The following SALL4 variants were observed in gnomAD, a reference collection of about 807,000 sequenced individuals.
SALL4 encodes sal-like protein 4.
Under a neutral mutation model 60.8 loss-of-function variants are expected in SALL4, and 4 were observed. The ratio of observed to expected loss-of-function variants is 0.07; its 90% confidence interval spans 0.03 to 0.15. SALL4 has a LOEUF of 0.15. Ranked by LOEUF, SALL4 falls within the 10% of genes least tolerant of loss-of-function variation. SALL4 has a pLI of 1.00. For synonymous variants in SALL4, 580 were observed against 574.9 expected (o/e 1.01, Z -0.13); for missense variants, 1,178 against 1,394.7 (o/e 0.84, Z 2.48).
At chr20:51,795,794 C>T (rs1002161146) in intron 1 of SALL4, among the ~76,000 whole-genome samples, 35 of 152,140 alleles carry the variant, frequency 2.3e-4, no homozygotes, top group African/African-American at 8.2e-4. Flanking sequence ...CAGCATTTCT[C>T]ATGTTAACAA....
chr20:51,796,756 C>CAAGAGCGGAG (rs1392115336), intron 1 of SALL4, among the ~76,000 whole-genome samples: 1 of 152,098 alleles, frequency 6.6e-6, no homozygotes, highest in South Asian at 2.1e-4. Context: ...ATCGTTTCTT[C>CAAGAGCGGAG]TAGAGCGGAG....
At position 51,791,180 on chromosome 20, in the gene SALL4, C is replaced by T. The variant is rs373070046; in HGVS notation, c.1303G>A (p.Val435Met). 3 of 1,614,112 alleles carry T rather than the reference C, an allele frequency of 1.9e-6. No individual in the cohort carries two copies. The highest frequency in any genetic ancestry group is 2.5e-6 in the Non-Finnish European group (3 of 1,180,032). The change falls in exon 2 of 4, where the codon GTG (valine) becomes ATG (methionine). Residue 435 changes from valine (V) to methionine (M), a missense_variant. By Grantham distance (21) the Val-to-Met change is conservative (BLOSUM62 1). This residue lies in a region of SALL4 where 853 missense variants were observed against 1,036.8 expected (regional missense o/e 0.82). Coordinates refer to ENST00000217086, the MANE Select transcript of SALL4 (RefSeq NM_020436.5). This position sits in a 1 kb window ranked among gnomAD's most constrained non-coding sequence, Gnocchi z 4.6. ...GCAAACAGCTGGGGGTTTGCCTTCA[C>T]CTGGGGATGTCGGTGAAAGTGCACC... ...LKVHFHRHPQ[V>M]KANPQLFAEF...
At chr20:51,789,192 CTT>C (rs1568862571) in intron 2 of SALL4, 51 bp from the exon 3 acceptor site, 3 of 1,601,934 alleles carry the variant, frequency 1.9e-6, no homozygotes, top group East Asian at 4.5e-5. Context: ...AACCTTCATT[CTT>C]TCTCTTCAAA....
intron 1 of SALL4, chr20:51,792,776 C>T (rs919489397): frequency 2.8e-6 from 3 of 1,081,434 alleles, no homozygotes; most frequent in African/African-American, 3.4e-5. Flanking sequence ...TTAGTGCCAG[C>T]CTACACATTG....
chr20:51,783,415 T>G lies in SALL4; in HGVS notation c.*850A>C, dbSNP rs1382474625. 1 of 150,256 alleles carries G rather than the reference T, an allele frequency of 6.7e-6. No individual in the cohort carries two copies. The highest frequency in any genetic ancestry group is 1.5e-5 in the Non-Finnish European group (1 of 67,938). 9.3% of individuals were successfully genotyped at this position (150,256 alleles called of 1,614,324 possible). On this transcript the variant is annotated 3_prime_UTR_variant, in exon 4 of 4. Transcript: ENST00000217086. ...AACCCTAGTTTTTTGTTGTTCCTTT[T>G]TTAAGTACATTCAAAAAAAAACAAT... is the stretch of plus-strand genomic sequence containing the variant.
chr20:51,790,427 C>A lies in SALL4; in HGVS notation c.2056G>T (p.Asp686Tyr). 1.9e-6 allele frequency: 3 copies of A among 1,613,504 alleles called. No individual in the cohort carries two copies. Among genetic ancestry groups the A allele is most frequent in the Non-Finnish European group, 2.5e-6 (3 of 1,180,040 alleles). Residue 686 changes from aspartate (D) to tyrosine (Y), a missense_variant, in exon 2 of 4, where the codon GAT becomes TAT. Transcript: ENST00000217086. This position sits in a 1 kb window ranked among gnomAD's most constrained non-coding sequence, Gnocchi z 5.5. ...TCTACATCGATGCTTTCGATGACAT[C>A]ATCATGGCAGATAGCGCCGGTGCTG... ...NGSTGAICHDDVIESIDVEEV... is the reference protein window; with the variant it reads ...NGSTGAICHDYVIESIDVEEV...
rs200440024 is a variant in SALL4 at position 51,802,285 on chromosome 20, C to T, written c.124G>A (p.Glu42Lys). 1.2e-6 allele frequency: 2 copies of T among 1,603,976 alleles called. No homozygotes were observed. The highest frequency in any genetic ancestry group is 2.2e-5 in the East Asian group (1 of 44,642). ...GCGCCCCAGCCCCACTCACCCAGCTCCCCCGCCGCGGGCGCCGCTGGGGCC... is the reference window on the plus strand; with the variant it reads ...GCGCCCCAGCCCCACTCACCCAGCTTCCCCGCCGCGGGCGCCGCTGGGGCC... The part of the protein sequence containing the change: ...DAAPAAPAAG[E>K]LGAPVNHPGN... The change falls in exon 1 of 4, where the codon GAG becomes AAG. Residue 42 changes from glutamate to lysine, a missense_variant. Physicochemically the swap from Glu to Lys is moderately conservative, Grantham distance 56 (BLOSUM62 1). This residue lies in a region of SALL4 where 108 missense variants were observed against 95.7 expected (regional missense o/e 1.13). Transcript: ENST00000217086.
In SALL4 at chr20:51,791,380, G is replaced by A. The variant is rs770743300; in HGVS notation, c.1103C>T (p.Ala368Val). ...CTCGTCTTTGGGTTTGACATCCACCGCGGAGATGTTCGGTGGCTTCCCCTT... is the reference window on the plus strand; with the variant it reads ...CTCGTCTTTGGGTTTGACATCCACCACGGAGATGTTCGGTGGCTTCCCCTT... ...KGKGKPPNIS[A>V]VDVKPKDEAA... The change falls in exon 2 of 4, where the codon GCG becomes GTG. Residue 368 changes from alanine (A) to valine (V), a missense_variant. Around this residue, in one of 5 missense-constraint regions of SALL4, gnomAD observed 853 missense variants for 1,036.8 expected, o/e 0.82. Coordinates refer to ENST00000217086, the MANE Select transcript of SALL4 (RefSeq NM_020436.5). This position sits in a 1 kb window ranked among gnomAD's most constrained non-coding sequence, Gnocchi z 4.6. 95 of 1,614,086 alleles carry A rather than the reference G, an allele frequency of 5.9e-5. No homozygotes were observed. The South Asian group carries it at 9.9e-4, about 17-fold the overall frequency.
chr20:51,786,502 G>C (rs536424767), intron 3 of SALL4, among the ~76,000 whole-genome samples: 2 of 152,272 alleles, frequency 1.3e-5, no homozygotes, highest in African/African-American at 4.8e-5. Flanking sequence ...AAAGTGCTGG[G>C]ATTACAGGCA....
At position 51,791,695 on chromosome 20, in the gene SALL4, T is replaced by G. The variant is rs2078044039; in HGVS notation, c.788A>C (p.His263Pro). 1 of 1,614,090 alleles carries G rather than the reference T, an allele frequency of 6.2e-7. No homozygotes were observed. The highest frequency in any genetic ancestry group is 1.3e-5 in the African/African-American group (1 of 74,958). The stretch of plus-strand genomic sequence containing the variant: ...AGCTGCAGAAACCTGCTGAGACATG[T>G]GGCTGCCCAAGGTCTTCAGAGTGTC... ...GADTLKTLGSHMSQQVSAAVA... is the reference protein window; with the variant it reads ...GADTLKTLGSPMSQQVSAAVA... Residue 263 changes from histidine (H) to proline (P), a missense_variant, in exon 2 of 4, where the codon CAC becomes CCC. Around this residue, in one of 5 missense-constraint regions of SALL4, gnomAD observed 853 missense variants for 1,036.8 expected, o/e 0.82. Transcript: ENST00000217086. This position sits in a 1 kb window ranked among gnomAD's most constrained non-coding sequence, Gnocchi z 4.6.
In SALL4 at chr20:51,801,924, G is replaced by A. The variant is rs1368988854; in HGVS notation, c.130+355C>T. ...GGAGGGGGACCTAAGTTACAAGGGG[G>A]GGGGGTAACACCAGTGAGGGGAGTG... is the stretch of plus-strand genomic sequence containing the variant. On this transcript the variant is annotated intron_variant, in intron 1 of 3. Coordinates refer to ENST00000217086, the MANE Select transcript of SALL4 (RefSeq NM_020436.5). The surrounding 1 kb of genome is among the most constrained non-coding windows in gnomAD (Gnocchi z 5.2). 1.3e-5 allele frequency among the ~76,000 whole-genome samples: 2 copies of A among 151,732 alleles called. No individual in the cohort carries two copies. Among genetic ancestry groups the A allele is most frequent in the Non-Finnish European group, 2.9e-5 (2 of 67,904 alleles).
chr20:51,783,252 A>G lies in SALL4; in HGVS notation c.*1013T>C, dbSNP rs2077966305. 6.6e-6 allele frequency: 1 copy of G among 152,106 alleles called. No homozygotes were observed. Among genetic ancestry groups the G allele is most frequent in the Non-Finnish European group, 1.5e-5 (1 of 68,024 alleles). The allele number at this position is 152,106 out of a possible 1,614,324, so 9.4% of individuals were successfully genotyped here. A position where few individuals can be genotyped will look rare whatever the true frequency, so the allele number is the denominator to read the frequency against. On this transcript the variant is annotated 3_prime_UTR_variant, in exon 4 of 4. Transcript: ENST00000217086. ...GGCATCCAAGAGGTGTGGGGAAAAC[A>G]TTGGCACTCTCGGGGCTCCAACTGA...
rs114376805 is a variant in SALL4, at chr20:51,799,872, A to C, written c.130+2407T>G. 1.3e-3 allele frequency among the ~76,000 whole-genome samples: 192 copies of C among 152,232 alleles called. 2 individuals carry two copies. The highest frequency in any genetic ancestry group is 4.1e-3 in the African/African-American group (170 of 41,548). On this transcript the variant is annotated intron_variant, in intron 1 of 3. Coordinates refer to ENST00000217086, the MANE Select transcript of SALL4 (RefSeq NM_020436.5). ...CAGACGTCATTTTCCTCCCTCAAAA[A>C]CTGCATTCTCGAATGGCTTTGCAAA...
intron 1 of SALL4, among the ~76,000 whole-genome samples, chr20:51,797,003 A>G (rs1319037473): frequency 6.6e-6 from 1 of 152,112 alleles, no homozygotes; most frequent in Non-Finnish European, 1.5e-5. Flanking sequence ...ATTTTTAAAC[A>G]GGGGGTCTAT....
At chr20:51,797,945 T>C (rs1568869093) in intron 1 of SALL4, among the ~76,000 whole-genome samples, 1 of 152,186 alleles carries the variant, frequency 6.6e-6, no homozygotes, top group Non-Finnish European at 1.5e-5. Context: ...GACTCAAGCT[T>C]ATCTTTTTTT....
chr20:51,790,093 C>G lies in SALL4; in HGVS notation c.2390G>C (p.Ser797Thr). 6.2e-7 allele frequency: 1 copy of G among 1,614,174 alleles called. No individual in the cohort carries two copies. The highest frequency in any genetic ancestry group is 8.5e-7 in the Non-Finnish European group (1 of 1,180,046). ...ALSPANSQAESIKSKSPDAGS... is the reference protein window; with the variant it reads ...ALSPANSQAETIKSKSPDAGS... ...AGCATCGGGAGACTTTGACTTGATG[C>G]TTTCGGCTTGACTATTGGCCGGGGA... Residue 797 changes from serine to threonine, a missense_variant, in exon 2 of 4, where the codon AGC becomes ACC. Ser to Thr is a moderately conservative substitution (Grantham distance 58, BLOSUM62 1). Coordinates refer to ENST00000217086, the MANE Select transcript of SALL4 (RefSeq NM_020436.5). This position sits in a 1 kb window ranked among gnomAD's most constrained non-coding sequence, Gnocchi z 5.5.
At chr20:51,786,126 G>A (rs6096582) in intron 3 of SALL4, among the ~76,000 whole-genome samples, 4,247 of 139,812 alleles carry the variant, frequency 0.03, 206 homozygotes, top group African/African-American at 0.11. Context: ...TCGCTCTGTC[G>A]CCCAGGCTGG....
chr20:51,789,334 G>T (rs990223104), intron 2 of SALL4, among the ~76,000 whole-genome samples, 193 bp from the exon 3 acceptor site: 2 of 151,394 alleles, frequency 1.3e-5, no homozygotes, highest in East Asian at 1.9e-4. Context: ...CTTGGGAAAA[G>T]GTATCACTTT....
Position 51,784,237 on chromosome 20 carries a change from G to A in SALL4, c.*28C>T. On this transcript the variant is annotated 3_prime_UTR_variant, in exon 4 of 4. Transcript: ENST00000217086. The stretch of plus-strand genomic sequence containing the variant: ...AGATTCTAGAGATTTCACTGTGTCT[G>A]CATTGCTCCTTCCACGCAAGTTCTC... 1 of 1,611,106 alleles carries A rather than the reference G, an allele frequency of 6.2e-7. No homozygotes were observed. Among genetic ancestry groups the A allele is most frequent in the Non-Finnish European group, 8.5e-7 (1 of 1,178,582 alleles).
Sources: gnomAD v4.1 joint callset for allele counts (sites outside exome capture counted in the v4.1 genomes callset) on GRCh38, gnomAD v4.1.1 for gene constraint, gnomAD v4.1.1 regional missense constraint, Gnocchi (gnomAD v3.1) non-coding constraint, MANE v1.5 for transcripts, NCBI Gene and HGNC (gene_info 2026-07-23, HGNC 2026-07-21) for gene names.